The following IARS1 variants were observed in gnomAD, a reference collection of about 807,000 sequenced individuals.
IARS1 encodes isoleucyl-tRNA synthetase 1.
IARS1 carries 124 observed loss-of-function variants against 168.2 expected under a neutral mutation model. The observed-to-expected ratio is 0.74, with a 90% confidence interval of 0.64 to 0.86. The LOEUF is 0.86. Ranked by LOEUF, IARS1 falls within the 40% of genes least tolerant of loss-of-function variation. The probability of loss-of-function intolerance (pLI) is 0.00; values close to 1 mark genes in which losing one functional copy is unlikely to be tolerated. For missense variants in IARS1, 1,452 were observed against 1,515.8 expected (o/e 0.96, Z 0.70); for synonymous variants, 532 against 529.4 (o/e 1.00, Z -0.07).
At chr9:92,214,736 C>T (rs971260566) in intron 33 of IARS1, among the ~76,000 whole-genome samples, 18 of 152,338 alleles carry the variant, frequency 1.2e-4, no homozygotes, top group South Asian at 4.1e-4. Context: ...CGGCGCACCA[C>T]GAGATTATAC....
At chr9:92,248,505 T>G (rs1236015015) in intron 25 of IARS1, among the ~76,000 whole-genome samples, 1 of 151,658 alleles carries the variant, frequency 6.6e-6, no homozygotes, top group Admixed American at 6.6e-5. Flanking sequence ...AAACCCCATC[T>G]CTACAAAAGC....
At chr9:92,276,696 G>A (rs1230251114) in intron 9 of IARS1, among the ~76,000 whole-genome samples, 3 of 152,202 alleles carry the variant, frequency 2.0e-5, no homozygotes, top group South Asian at 2.1e-4. Context: ...TCTGGGATGG[G>A]ACGTAAGTGA....
intron 33 of IARS1, among the ~76,000 whole-genome samples, chr9:92,216,898 G>A (rs1838798823): frequency 6.7e-6 from 1 of 150,132 alleles, no homozygotes; most frequent in Non-Finnish European, 1.5e-5. Flanking sequence ...CCCAGGAATT[G>A]AACTCAGCTC....
chr9:92,252,144 G>A (rs913687077), intron 21 of IARS1, among the ~76,000 whole-genome samples: 2 of 152,320 alleles, frequency 1.3e-5, no homozygotes, highest in African/African-American at 4.8e-5. Flanking sequence ...GAGGCGAGCT[G>A]ACAGGGAAGT....
intron 1 of IARS1, among the ~76,000 whole-genome samples, chr9:92,291,612 A>C (rs942720094): frequency 3.3e-5 from 5 of 152,144 alleles, no homozygotes; most frequent in African/African-American, 1.2e-4. Flanking sequence ...TAGATCTTCA[A>C]CTCTTATTAT....
chr9:92,250,353 G>C (rs1160822720), intron 23 of IARS1, 64 bp from the exon 24 acceptor site: 1 of 1,022,720 alleles, frequency 9.8e-7, no homozygotes, highest in African/African-American at 1.6e-5. Context: ...GAAGGCACTA[G>C]GCATGCATAA....
chr9:92,284,101 C>T (rs1161917504), intron 6 of IARS1, among the ~76,000 whole-genome samples: 2 of 152,082 alleles, frequency 1.3e-5, no homozygotes, highest in East Asian at 1.9e-4. Context: ...CACTTGAGCC[C>T]GGGAGGTCAA....
At chr9:92,286,437 T>C (rs1835475712) in intron 5 of IARS1, 99 bp downstream of exon 5, 1 of 645,074 alleles carries the variant, frequency 1.6e-6, no homozygotes, top group East Asian at 2.8e-5. Flanking sequence ...GAAATAACGA[T>C]GGACTCAAAA....
chr9:92,224,385 A>T (rs1442639995), intron 31 of IARS1, among the ~76,000 whole-genome samples: 1 of 130,356 alleles, frequency 7.7e-6, no homozygotes, highest in Non-Finnish European at 1.7e-5. Flanking sequence ...AATAGCTAGG[A>T]GTAGATCTAC....
rs767734735 is a variant in IARS1 at position 92,251,789 on chromosome 9, A to C, written c.2307+19T>G. 6.2e-7 allele frequency: 1 copy of C among 1,604,114 alleles called. No homozygotes were observed. The highest frequency in any genetic ancestry group is 8.5e-7 in the Non-Finnish European group (1 of 1,171,052). ...AGCCCATAGGCCAAAGGGTACTAGA[A>C]AGAAGCCAATCATCTTACCATAAGT... On this transcript the variant is annotated intron_variant, in intron 22 of 33. Coordinates refer to ENST00000443024, the MANE Select transcript of IARS1 (RefSeq NM_002161.6).
At chr9:92,263,836 T>A (rs1831887681) in intron 16 of IARS1, among the ~76,000 whole-genome samples, 1 of 152,172 alleles carries the variant, frequency 6.6e-6, no homozygotes, top group Non-Finnish European at 1.5e-5. Context: ...AGGAACAAGC[T>A]CATTGGTAAG....
Position 92,240,903 on chromosome 9 carries a change from G to A in IARS1, c.3236C>T (p.Ala1079Val), listed in dbSNP as rs139191387. ...AATGTTAAGATTGACATATGCACAAGCAGGACCAGGAAGGGAAGATCCTCT... is the reference window on the plus strand; with the variant it reads ...AATGTTAAGATTGACATATGCACAAACAGGACCAGGAAGGGAAGATCCTCT... ...LTRGSSLPGP[A>V]CAYVNLNICA... The change falls in exon 30 of 34, where the codon GCT (alanine) becomes GTT (valine). Residue 1079 changes from alanine to valine, a missense_variant. Coordinates refer to ENST00000443024, the MANE Select transcript of IARS1 (RefSeq NM_002161.6). The A allele has an allele frequency of 6.2e-6, 10 of 1,613,440 alleles. No homozygotes were observed. In the African/African-American group the frequency reaches 1.2e-4, roughly 19 times the overall value.
intron 30 of IARS1, among the ~76,000 whole-genome samples, chr9:92,235,600 C>G (rs1460891231): frequency 6.6e-6 from 1 of 150,668 alleles, no homozygotes; most frequent in Admixed American, 6.6e-5. Context: ...TCACTGCAAC[C>G]TCTGCCTCCC....
intron 33 of IARS1, among the ~76,000 whole-genome samples, chr9:92,212,453 C>CACA (rs1440690245): frequency 6.6e-6 from 1 of 152,196 alleles, no homozygotes; most frequent in Non-Finnish European, 1.5e-5. Context: ...AGAAAGGCAG[C>CACA]ACAGGTTAAG....
At chr9:92,253,564 A>G in intron 20 of IARS1, 111 bp from the exon 21 acceptor site, 4 of 695,434 alleles carry the variant, frequency 5.8e-6, no homozygotes, top group Admixed American at 2.5e-5. Flanking sequence ...AAGTGCCTCC[A>G]CTTACTAAGG....
At chr9:92,248,462 C>T (rs1368392764) in intron 25 of IARS1, among the ~76,000 whole-genome samples, 1 of 151,580 alleles carries the variant, frequency 6.6e-6, no homozygotes, top group Non-Finnish European at 1.5e-5. Context: ...CACTTGAGCT[C>T]AGGAGTTAGA....
At chr9:92,237,987 C>T (rs1356723983) in intron 30 of IARS1, among the ~76,000 whole-genome samples, 2 of 152,066 alleles carry the variant, frequency 1.3e-5, no homozygotes, top group African/African-American at 4.8e-5. Flanking sequence ...CTCACTGCAA[C>T]CTCCGCCTCC....
chr9:92,223,646 C>A (rs549580158), intron 31 of IARS1, among the ~76,000 whole-genome samples, 157 bp from the exon 32 acceptor site: 16 of 152,274 alleles, frequency 1.1e-4, no homozygotes, highest in South Asian at 6.2e-4. Context: ...ATAAAACCAG[C>A]CTTTAATGAC....
chr9:92,214,854 C>T (rs1335486215), intron 33 of IARS1, among the ~76,000 whole-genome samples: 3 of 152,228 alleles, frequency 2.0e-5, no homozygotes, highest in Admixed American at 6.5e-5. Context: ...GAGGGGCGCC[C>T]GCCATTGCCC....
Sources: gnomAD v4.1 joint callset for allele counts (sites outside exome capture counted in the v4.1 genomes callset) on GRCh38, gnomAD v4.1.1 for gene constraint, MANE v1.5 for transcripts, NCBI Gene and HGNC (gene_info 2026-07-23, HGNC 2026-07-21) for gene names.